SP100: variants seen among roughly 807,000 people sequenced by gnomAD.
SP100 encodes the protein SP100 nuclear body protein.
SP100 carries 84 observed loss-of-function variants against 130.0 expected under a neutral mutation model. The observed-to-expected ratio is 0.65, with a 90% CI of 0.54 to 0.77. The LOEUF (loss-of-function observed/expected upper bound fraction) is 0.77. SP100 is among the 30% of genes least tolerant of loss of function. The pLI, the probability that SP100 is intolerant of heterozygous loss-of-function variation, is 0.00. For missense variants in SP100, 978 were observed against 1,052.2 expected, an observed-to-expected ratio of 0.93 and a Z score of 0.97; for synonymous variants, 331 against 351.7, an observed-to-expected ratio of 0.94 and a Z score of 0.66.
At chr2:230,541,771 C>A in intron 27 of SP100, 121 bp from the exon 28 acceptor site, 1 of 1,071,736 alleles carries the variant, frequency 9.3e-7, no homozygotes, top group Non-Finnish European at 1.3e-6. Flanking sequence ...CTCCTAGTAC[C>A]TTCACAGGGG....
At chr2:230,426,768 G>C (rs1298020402) in intron 2 of SP100, among the ~76,000 whole-genome samples, 1 of 152,132 alleles carries the variant, frequency 6.6e-6, no homozygotes, top group African/African-American at 2.4e-5. Context: ...AGGTCTATTT[G>C]ATCTAAAGTC....
intron 8 of SP100, among the ~76,000 whole-genome samples, chr2:230,457,348 G>C (rs1054287421): frequency 6.6e-6 from 1 of 152,364 alleles, no homozygotes; most frequent in Non-Finnish European, 1.5e-5. Flanking sequence ...CACTCGGTCT[G>C]GTCTGGATCA....
chr2:230,436,226 T>A (rs1196073551), intron 2 of SP100, among the ~76,000 whole-genome samples: 1 of 152,184 alleles, frequency 6.6e-6, no homozygotes, highest in East Asian at 1.9e-4. Context: ...CATACATTTG[T>A]ATTTGCTATT....
At chr2:230,436,151 T>C (rs1232858838) in intron 2 of SP100, among the ~76,000 whole-genome samples, 1 of 152,222 alleles carries the variant, frequency 6.6e-6, no homozygotes, top group African/African-American at 2.4e-5. Context: ...TTATTTAATT[T>C]TCTTCAATAA....
intron 2 of SP100, among the ~76,000 whole-genome samples, chr2:230,439,449 T>A (rs2063398995): frequency 6.6e-6 from 1 of 152,228 alleles, no homozygotes; most frequent in Non-Finnish European, 1.5e-5. Context: ...GTGTTTCCAT[T>A]TGCTTGTGGC....
chr2:230,539,467 CTG>C (rs1174753882), intron 25 of SP100, 85 bp downstream of exon 25: 2 of 878,382 alleles, frequency 2.3e-6, no homozygotes, highest in East Asian at 2.5e-5. Context: ...TGCAGAGTTT[CTG>C]TACCTGGTTA....
At chr2:230,461,824 C>T (rs1346301268) in intron 9 of SP100, among the ~76,000 whole-genome samples, 2 of 152,072 alleles carry the variant, frequency 1.3e-5, no homozygotes, top group East Asian at 3.9e-4. Context: ...TGACACATGT[C>T]TGTAGTCCCA....
chr2:230,501,429 C>T (rs1328966402), intron 19 of SP100, among the ~76,000 whole-genome samples: 4 of 152,102 alleles, frequency 2.6e-5, no homozygotes, highest in African/African-American at 9.7e-5. Flanking sequence ...TTCCTCTTGA[C>T]ATGTGAATTA....
intron 24 of SP100, chr2:230,514,994 T>C: frequency 6.4e-7 from 1 of 1,556,594 alleles, no homozygotes. Flanking sequence ...TGGGCGACTC[T>C]GTACCTTGCT....
chr2:230,438,992 C>T (rs974381477), intron 2 of SP100, among the ~76,000 whole-genome samples: 2 of 152,170 alleles, frequency 1.3e-5, no homozygotes, highest in Non-Finnish European at 2.9e-5. Context: ...GTTCCCTTTT[C>T]ACCACATCCA....
intron 24 of SP100, among the ~76,000 whole-genome samples, chr2:230,523,778 G>A (rs549753048): frequency 3.6e-4 from 55 of 151,870 alleles, no homozygotes; most frequent in African/African-American, 1.1e-3. Flanking sequence ...GCATGGTGGC[G>A]GGTGCCTATA....
chr2:230,541,867 C>G (rs1219819604), intron 27 of SP100, 25 bp from the exon 28 acceptor site: 1 of 1,609,402 alleles, frequency 6.2e-7, no homozygotes, highest in Non-Finnish European at 8.5e-7. Flanking sequence ...GGCTGATAGC[C>G]TCATTTTGGT....
chr2:230,451,792 A>C (rs2063999978), intron 8 of SP100, among the ~76,000 whole-genome samples: 1 of 121,912 alleles, frequency 8.2e-6, no homozygotes, highest in South Asian at 2.3e-4. Flanking sequence ...TTCAGTATTT[A>C]GTCCATTTTG....
At chr2:230,503,726 CAA>C (rs1434327739) in intron 20 of SP100, among the ~76,000 whole-genome samples, 1 of 152,192 alleles carries the variant, frequency 6.6e-6, no homozygotes, top group Non-Finnish European at 1.5e-5. Flanking sequence ...AAGCAGTTGG[CAA>C]AGAGGGAGAC....
chr2:230,484,948 A>C (rs1435482913), intron 17 of SP100, among the ~76,000 whole-genome samples: 1 of 151,730 alleles, frequency 6.6e-6, no homozygotes, highest in African/African-American at 2.4e-5. Flanking sequence ...TTGTTTTTGG[A>C]GATAGGGATC....
At chr2:230,436,899 C>CACACATATATGTGTGTAT (rs59222497) in intron 2 of SP100, among the ~76,000 whole-genome samples, 3 of 130,694 alleles carry the variant, frequency 2.3e-5, no homozygotes, top group African/African-American at 5.6e-5. Flanking sequence ...TATGTGTATA[C>CACACATATATGTGTGTAT]ACACACGCAT....
intron 2 of SP100, among the ~76,000 whole-genome samples, chr2:230,437,560 T>C (rs538340107): frequency 6.6e-6 from 1 of 152,126 alleles, no homozygotes; most frequent in South Asian, 2.1e-4. Flanking sequence ...TTTTTTTGTT[T>C]TGTTTTGTTT....
In SP100 at chr2:230,545,272, G is replaced by A. The variant is rs894448647; in HGVS notation, c.*2326G>A. 2.0e-5 allele frequency among the ~76,000 whole-genome samples: 3 copies of A among 152,196 alleles called. No homozygotes were observed. The highest frequency in any genetic ancestry group is 4.4e-5 in the Non-Finnish European group (3 of 68,026). On this transcript the variant is annotated 3_prime_UTR_variant, in exon 29 of 29. Coordinates refer to ENST00000340126, the MANE Select transcript of SP100 (RefSeq NM_001080391.2). ...CAGCCATAAGAAACAATGAGATCAT[G>A]TCTCAGGAACATGGATAGAGCTGGA... is the stretch of plus-strand genomic sequence containing the variant.
At chr2:230,500,649 G>GGGGAGAA (rs1041114423) in intron 19 of SP100, among the ~76,000 whole-genome samples, 1 of 152,176 alleles carries the variant, frequency 6.6e-6, no homozygotes, top group Non-Finnish European at 1.5e-5. Flanking sequence ...ATGGAACTGT[G>GGGGAGAA]GGGAGAAGGG....
Sources: gnomAD v4.1 joint callset for allele counts (sites outside exome capture counted in the v4.1 genomes callset) on GRCh38, gnomAD v4.1.1 for gene constraint, MANE v1.5 for transcripts, NCBI Gene and HGNC (gene_info 2026-07-23, HGNC 2026-07-21) for gene names.